PPP3CA: variants seen among roughly 807,000 people sequenced by gnomAD.
PPP3CA encodes protein phosphatase 3 catalytic subunit alpha.
A neutral mutation model predicts 66.5 loss-of-function variants in PPP3CA; 14 were observed. The observed-to-expected ratio is 0.21, with a 90% CI of 0.14 to 0.33. The LOEUF (loss-of-function observed/expected upper bound fraction) is 0.33, where lower values mean the gene tolerates loss of function less well. Ranked by LOEUF, PPP3CA falls within the 10% of genes least tolerant of loss-of-function variation. The probability of loss-of-function intolerance (pLI) is 1.00; values close to 1 mark genes in which losing one functional copy is unlikely to be tolerated. For missense variants in PPP3CA, 317 were observed against 639.5 expected (o/e 0.50, Z 5.44); for synonymous variants, 232 against 226.2 (o/e 1.03, Z -0.23).
chr4:101,278,917 A>G lies in PPP3CA; in HGVS notation c.58+67822T>C, dbSNP rs567779520. Reference sequence around the variant, plus strand: ...TCTGTAGCCACCACTTTTCATACACACTATATTCTATGCAGGCCCATTTTT... The same window carrying G: ...TCTGTAGCCACCACTTTTCATACACGCTATATTCTATGCAGGCCCATTTTT... On this transcript the variant is annotated intron_variant, in intron 1 of 13. Transcript: ENST00000394854. Among the ~76,000 whole-genome samples the G allele has an allele frequency of 2.0e-5, 3 of 152,270 alleles. No homozygotes were observed. The East Asian group carries it at 5.8e-4, about 29-fold the overall frequency.
chr4:101,024,467 A>C lies in PPP3CA; in HGVS notation c.*1398T>G, dbSNP rs878961778. On this transcript the variant is annotated 3_prime_UTR_variant, in exon 14 of 14. Transcript: ENST00000394854. ...TTAGGCTGTAGTGAATTACTTGGGC[A>C]CTTATACAATTGTTAAAAAATATGA... 6.5e-6 allele frequency: 1 copy of C among 152,686 alleles called. No individual in the cohort carries two copies. Among genetic ancestry groups the C allele is most frequent in the Non-Finnish European group, 1.5e-5 (1 of 68,046 alleles). 9.5% of individuals were successfully genotyped at this position (152,686 alleles called of 1,614,324 possible).
At chr4:101,218,925 A>G (rs1054920381) in intron 1 of PPP3CA, among the ~76,000 whole-genome samples, 6 of 152,100 alleles carry the variant, frequency 3.9e-5, no homozygotes, top group African/African-American at 1.4e-4. Flanking sequence ...TTTACTGGCT[A>G]TCCACATACT....
intron 8 of PPP3CA, among the ~76,000 whole-genome samples, chr4:101,069,120 G>A (rs954365147): frequency 2.0e-5 from 3 of 151,920 alleles, no homozygotes; most frequent in Admixed American, 6.6e-5. Flanking sequence ...CTGCAGTTTC[G>A]AACTCCTGGG....
chr4:101,115,403 T>G (rs1045584894), intron 2 of PPP3CA, among the ~76,000 whole-genome samples: 6 of 151,938 alleles, frequency 3.9e-5, no homozygotes, highest in Non-Finnish European at 7.4e-5. Context: ...AGCTCTTTAA[T>G]GAGAAGGGAT....
intron 12 of PPP3CA, among the ~76,000 whole-genome samples, chr4:101,029,725 T>G (rs180951006): frequency 2.6e-5 from 4 of 151,294 alleles, no homozygotes; most frequent in Non-Finnish European, 5.9e-5. Context: ...GAGATTCAAA[T>G]TTAAAGGAAA....
At chr4:101,133,694 A>T (rs891140134) in intron 2 of PPP3CA, among the ~76,000 whole-genome samples, 17 of 152,220 alleles carry the variant, frequency 1.1e-4, no homozygotes, top group Non-Finnish European at 1.9e-4. Context: ...ATTCAATGCT[A>T]TTCCCATTAA....
At position 101,347,166 on chromosome 4, in the gene PPP3CA, C is replaced by T. The variant is rs1057061187; in HGVS notation, c.-370G>A. 9 of 389,618 alleles carry T rather than the reference C, an allele frequency of 2.3e-5. No individual in the cohort carries two copies. Among genetic ancestry groups the T allele is most frequent in the African/African-American group, 4.5e-5 (2 of 44,806 alleles). The allele number at this position is 389,618 out of a possible 1,614,324, so 24.1% of individuals were successfully genotyped here. On this transcript the variant is annotated 5_prime_UTR_variant, in exon 1 of 14. Transcript: ENST00000394854. ...CGAGCACCCACCCCGGCACGGAGAC[C>T]CAGCACCGCGGAATGGAGCCCCACG...
chr4:101,122,787 C>T (rs570465134), intron 2 of PPP3CA, among the ~76,000 whole-genome samples: 9 of 152,024 alleles, frequency 5.9e-5, no homozygotes, highest in East Asian at 3.9e-4. Flanking sequence ...TAAGGTATTT[C>T]GAGGAGAACA....
In PPP3CA at chr4:101,106,419, A is replaced by G. The variant is rs1730695512; in HGVS notation, c.384+2535T>C. Reference sequence around the variant, plus strand: ...AAAGAAAGAAAGAAAGAAAGAAAGAAAGAAAGAAAGAAAGAAAGAAAGAAA... The same window carrying G: ...AAAGAAAGAAAGAAAGAAAGAAAGAGAGAAAGAAAGAAAGAAAGAAAGAAA... On this transcript the variant is annotated intron_variant, in intron 3 of 13. Coordinates refer to ENST00000394854, the MANE Select transcript of PPP3CA (RefSeq NM_000944.5). 3.3e-4 allele frequency among the ~76,000 whole-genome samples: 4 copies of G among 12,260 alleles called. No homozygotes were observed. In the Admixed American group the frequency reaches 3.8e-3, roughly 12 times the overall value. 8.0% of individuals were successfully genotyped at this position (12,260 alleles called of 152,430 possible).
intron 1 of PPP3CA, among the ~76,000 whole-genome samples, chr4:101,291,496 C>T (rs1728026305): frequency 6.6e-6 from 1 of 152,212 alleles, no homozygotes; most frequent in Admixed American, 6.5e-5. Context: ...GTCCTCCACT[C>T]TACCAGTCCA....
chr4:101,032,507 TA>T, intron 11 of PPP3CA, 143 bp from the exon 12 acceptor site: 1 of 651,268 alleles, frequency 1.5e-6, no homozygotes, highest in African/African-American at 1.8e-5. Flanking sequence ...AAATTTTTTT[TA>T]ACATACTTTA....
intron 1 of PPP3CA, among the ~76,000 whole-genome samples, chr4:101,276,292 T>C (rs1457634757): frequency 6.6e-6 from 1 of 152,180 alleles, no homozygotes; most frequent in African/African-American, 2.4e-5. Context: ...CTGAAACTTG[T>C]AAGCTGAAGC....
At chr4:101,101,531 TA>T (rs1730441965) in intron 3 of PPP3CA, among the ~76,000 whole-genome samples, 2 of 152,224 alleles carry the variant, frequency 1.3e-5, no homozygotes, top group South Asian at 4.1e-4. Flanking sequence ...AAAACTCCTT[TA>T]AAAATACATT....
At chr4:101,193,747 C>T (rs1724692337) in intron 2 of PPP3CA, among the ~76,000 whole-genome samples, 1 of 151,936 alleles carries the variant, frequency 6.6e-6, no homozygotes, top group Non-Finnish European at 1.5e-5. Context: ...CTTTCATTGT[C>T]TTATGAACAC....
chr4:101,228,739 T>C (rs760210820), intron 1 of PPP3CA, among the ~76,000 whole-genome samples: 1 of 151,622 alleles, frequency 6.6e-6, no homozygotes, highest in Admixed American at 6.6e-5. Context: ...GGGAACCTAA[T>C]AGAAGTGAAC....
chr4:101,277,191 C>T (rs777309294), intron 1 of PPP3CA, among the ~76,000 whole-genome samples: 3 of 152,114 alleles, frequency 2.0e-5, no homozygotes, highest in Non-Finnish European at 4.4e-5. Context: ...TTTCACTTAC[C>T]AATTGACATC....
intron 1 of PPP3CA, among the ~76,000 whole-genome samples, chr4:101,284,520 G>C (rs1666848528): frequency 6.6e-6 from 1 of 151,992 alleles, no homozygotes; most frequent in South Asian, 2.1e-4. Flanking sequence ...AGATAAAAAA[G>C]ATACCAACTA....
chr4:101,285,621 G>C (rs889931529), intron 1 of PPP3CA, among the ~76,000 whole-genome samples: 1 of 148,862 alleles, frequency 6.7e-6, no homozygotes, highest in African/African-American at 2.5e-5. Context: ...GTGTGTGTGT[G>C]TGTGTGTGTG....
chr4:101,116,274 T>C (rs1353860547), intron 2 of PPP3CA, among the ~76,000 whole-genome samples: 1 of 151,918 alleles, frequency 6.6e-6, no homozygotes, highest in African/African-American at 2.4e-5. Flanking sequence ...TCAGCTTCCT[T>C]TACTTCAACC....
Sources: allele counts gnomAD v4.1 joint callset (sites outside exome capture counted in the v4.1 genomes callset), GRCh38; gene constraint gnomAD v4.1.1; transcripts MANE v1.5; gene names NCBI Gene and HGNC (gene_info 2026-07-23, HGNC 2026-07-21).